FAM120C: variants seen among roughly 807,000 people sequenced by gnomAD.
FAM120C encodes the protein constitutive coactivator of PPAR-gamma-like protein 2.
FAM120C carries 14 observed loss-of-function variants against 71.2 expected under a neutral mutation model. That is an observed-to-expected ratio of 0.20 (90% CI 0.13 to 0.31). The LOEUF (loss-of-function observed/expected upper bound fraction) is 0.31. FAM120C is among the 10% of genes least tolerant of loss of function. FAM120C has a pLI of 1.00. For missense variants in FAM120C, 500 were observed against 879.0 expected, an observed-to-expected ratio of 0.57 and a Z score of 5.45; for synonymous variants, 354 against 353.2, an observed-to-expected ratio of 1.00 and a Z score of -0.03.
intron 4 of FAM120C, among the ~76,000 whole-genome samples, chrX:54,138,486 A>G (rs1176565604): frequency 1.5e-5 from 1 of 65,827 alleles, no homozygotes; most frequent in Non-Finnish European, 2.9e-5. Context: ...GGCAACAGAG[A>G]CACTGTCTCA....
At chrX:54,131,867 T>C (rs1446535327) in intron 9 of FAM120C, among the ~76,000 whole-genome samples, 2 of 109,241 alleles carry the variant, frequency 1.8e-5, no homozygotes, top group Non-Finnish European at 3.8e-5. Context: ...GTTCATGCCA[T>C]TCTCCCGAGT....
At chrX:54,144,970 A>G (rs1557132215) in intron 4 of FAM120C, among the ~76,000 whole-genome samples, 1 of 111,773 alleles carries the variant, frequency 8.9e-6, no homozygotes, top group Non-Finnish European at 1.9e-5. Flanking sequence ...AAACAACGAT[A>G]TAGACCAATG....
At chrX:54,165,800 TA>T (rs11415127) in intron 1 of FAM120C, among the ~76,000 whole-genome samples, 1 of 108,934 alleles carries the variant, frequency 9.2e-6, no homozygotes, top group African/African-American at 3.3e-5. Flanking sequence ...ATAATAAAAA[TA>T]AAAAAATAAT....
chrX:54,173,975 A>C, intron 1 of FAM120C: 10 of 422,225 alleles, frequency 2.4e-5, no homozygotes, highest in South Asian at 3.6e-5. Flanking sequence ...TGCCTGGGGA[A>C]GGATCCGCTT....
At chrX:54,156,414 C>T (rs1324358072) in intron 3 of FAM120C, among the ~76,000 whole-genome samples, 1 of 100,040 alleles carries the variant, frequency 1.0e-5, no homozygotes, top group Non-Finnish European at 2.0e-5. Flanking sequence ...CCTCTGCCTC[C>T]TGGGTTCAAG....
At chrX:54,113,870 C>T (rs781863979) in intron 10 of FAM120C, among the ~76,000 whole-genome samples, 18 of 110,730 alleles carry the variant, frequency 1.6e-4, no homozygotes, top group Non-Finnish European at 2.6e-4. Flanking sequence ...GAGCCGAGAT[C>T]GTGCCATTGC....
intron 1 of FAM120C, among the ~76,000 whole-genome samples, chrX:54,180,233 A>G (rs1444057459): frequency 8.9e-6 from 1 of 112,319 alleles, no homozygotes; most frequent in Non-Finnish European, 1.9e-5. Flanking sequence ...TTCAGAGCTC[A>G]TAACTGGCTA....
At chrX:54,129,661 A>C (rs1399197702) in intron 9 of FAM120C, among the ~76,000 whole-genome samples, 3 of 112,262 alleles carry the variant, frequency 2.7e-5, no homozygotes, top group African/African-American at 9.7e-5. Context: ...TGGGAGGCCA[A>C]GGCAGGCGGC....
chrX:54,084,686 G>A (rs965488729), intron 13 of FAM120C, among the ~76,000 whole-genome samples: 4 of 95,637 alleles, frequency 4.2e-5, no homozygotes, highest in African/African-American at 7.7e-5. Context: ...AAAATTAGCC[G>A]GGCTGTGGAC....
intron 9 of FAM120C, among the ~76,000 whole-genome samples, chrX:54,127,562 G>C (rs2067034288): frequency 2.3e-5 from 2 of 87,384 alleles, no homozygotes; most frequent in Non-Finnish European, 4.3e-5. Context: ...CTGCATTCCA[G>C]CCAACAAACA....
intron 4 of FAM120C, among the ~76,000 whole-genome samples, chrX:54,137,342 G>A (rs1369703397): frequency 8.9e-6 from 1 of 111,974 alleles, no homozygotes; most frequent in Non-Finnish European, 1.9e-5. Context: ...TGGGATAATA[G>A]GCATGAACCA....
intron 13 of FAM120C, among the ~76,000 whole-genome samples, 167 bp downstream of exon 13, chrX:54,085,548 T>C (rs901441725): frequency 3.7e-5 from 4 of 109,449 alleles, no homozygotes; most frequent in African/African-American, 1.3e-4. Context: ...GATCACACTA[T>C]TGCACTCCAG....
chrX:54,182,905 C>T lies in FAM120C; in HGVS notation c.294G>A (p.Gln98=). The T allele has an allele frequency of 9.5e-6, 11 of 1,152,715 alleles. No homozygotes were observed. The highest frequency in any genetic ancestry group is 1.3e-5 in the Non-Finnish European group (11 of 867,760). The allele number at this position is 1,152,715 out of a possible 1,213,427, so 95.0% of individuals were successfully genotyped here. ...AHHFHHHGQA[Q]PGLHPPLPPP... Reference sequence around the variant, plus strand: ...GCGGCAGCGGAGGGTGCAGCCCGGGCTGCGCTTGGCCATGATGGTGGAAGT... The same window carrying T: ...GCGGCAGCGGAGGGTGCAGCCCGGGTTGCGCTTGGCCATGATGGTGGAAGT... Residue 98 remains glutamine, a synonymous_variant, in exon 1 of 16, where the codon CAG becomes CAA. Coordinates refer to ENST00000375180, the MANE Select transcript of FAM120C (RefSeq NM_017848.6).
At chrX:54,085,941 A>T in intron 12 of FAM120C, 25 bp from the exon 13 acceptor site, 1 of 1,187,565 alleles carries the variant, frequency 8.4e-7, no homozygotes, top group Admixed American at 2.2e-5. Context: ...GAGTAATAAT[A>T]GCAGCTGCCA....
intron 10 of FAM120C, among the ~76,000 whole-genome samples, chrX:54,104,383 T>G (rs1273790422): frequency 1.8e-5 from 2 of 112,322 alleles, no homozygotes; most frequent in East Asian, 5.6e-4. Context: ...TGTTCCTACC[T>G]GGTGTTTACT....
intron 9 of FAM120C, among the ~76,000 whole-genome samples, chrX:54,118,184 T>C (rs1212866392): frequency 3.7e-5 from 4 of 108,485 alleles, no homozygotes; most frequent in Admixed American, 9.9e-5. Context: ...GATTGTGCCA[T>C]TGGACTCCAG....
At position 54,183,078 on chromosome X, in the gene FAM120C, G is replaced by A; in HGVS notation, c.121C>T (p.Arg41Cys). 8.6e-7 allele frequency: 1 copy of A among 1,157,188 alleles called. No individual in the cohort carries two copies. The highest frequency in any genetic ancestry group is 1.1e-6 in the Non-Finnish European group (1 of 871,673). The change falls in exon 1 of 16, where the codon CGC (arginine) becomes TGC (cysteine). Residue 41 changes from arginine to cysteine, a missense_variant. Transcript: ENST00000375180. ...AGGGCTGCAGTCGGCGGCAGCTGGC[G>A]GTGCAAGTGCTGCTGCTGCTGCTGG... ...SRQQQQQHLHRQLPPTAALAP... is the reference protein window; with the variant it reads ...SRQQQQQHLHCQLPPTAALAP...
At chrX:54,131,988 G>A (rs782200527) in intron 9 of FAM120C, among the ~76,000 whole-genome samples, 124 of 106,481 alleles carry the variant, frequency 1.2e-3, no homozygotes, top group African/African-American at 4.0e-3. Context: ...TCCTGACCTC[G>A]TCATCTGCCC....
intron 1 of FAM120C, among the ~76,000 whole-genome samples, chrX:54,168,643 C>T (rs369992523): frequency 1.6e-3 from 182 of 112,220 alleles, no homozygotes; most frequent in African/African-American, 5.7e-3. Context: ...ACCACTCACA[C>T]GGAGTAGGCA....
Sources: allele counts gnomAD v4.1 joint callset (sites outside exome capture counted in the v4.1 genomes callset), GRCh38; gene constraint gnomAD v4.1.1; transcripts MANE v1.5; gene names NCBI Gene and HGNC (gene_info 2026-07-23, HGNC 2026-07-21).